ARL15: variants seen among roughly 807,000 people sequenced by gnomAD.
ARL15 encodes ADP-ribosylation factor-like protein 15.
Under a neutral mutation model 25.2 loss-of-function variants are expected in ARL15, and 19 were observed. The observed-to-expected ratio is 0.75, with a 90% CI of 0.53 to 1.10. The LOEUF (loss-of-function observed/expected upper bound fraction) is 1.10, where lower values mean the gene tolerates loss of function less well. ARL15 is among the 50% of genes least tolerant of loss of function. The pLI is 0.00. For synonymous variants in ARL15, 94 were observed against 86.8 expected, an observed-to-expected ratio of 1.08 and a Z score of -0.46; for missense variants, 220 against 246.0, an observed-to-expected ratio of 0.89 and a Z score of 0.71.
chr5:53,965,579 G>A (rs1256519607), intron 4 of ARL15, among the ~76,000 whole-genome samples: 1 of 152,020 alleles, frequency 6.6e-6, no homozygotes, highest in Non-Finnish European at 1.5e-5. Context: ...TGAATTAAAT[G>A]GGCCATGGAC....
chr5:54,082,707 A>G (rs530186523), intron 4 of ARL15, among the ~76,000 whole-genome samples: 15 of 152,144 alleles, frequency 9.9e-5, no homozygotes, highest in African/African-American at 2.9e-4. Flanking sequence ...TTGCTCTTGC[A>G]CCTTTAATGC....
chr5:53,977,813 T>G lies in ARL15; in HGVS notation c.463-91100A>C, dbSNP rs1580135331. The stretch of plus-strand genomic sequence containing the variant: ...GCTCTCTATGCAGTGCTTCCACTGG[T>G]ACCCTGTATGACCTTGGGCAAGTCC... On this transcript the variant is annotated intron_variant, in intron 4 of 4. Coordinates refer to ENST00000504924, the MANE Select transcript of ARL15 (RefSeq NM_019087.3). Among the ~76,000 whole-genome samples, 3 of 152,140 alleles carry G rather than the reference T, an allele frequency of 2.0e-5. No individual in the cohort carries two copies. In the East Asian group the frequency reaches 5.8e-4, roughly 29 times the overall value.
intron 1 of ARL15, among the ~76,000 whole-genome samples, chr5:54,180,117 A>C (rs1755012879): frequency 6.6e-6 from 1 of 152,114 alleles, no homozygotes; most frequent in African/African-American, 2.4e-5. Context: ...AACAGCCTCA[A>C]ATTATATGTA....
At chr5:54,218,254 C>T (rs192518555) in intron 1 of ARL15, among the ~76,000 whole-genome samples, 5 of 152,248 alleles carry the variant, frequency 3.3e-5, no homozygotes, top group Non-Finnish European at 5.9e-5. Context: ...TCAAAAAGAG[C>T]ATGGTTTTTT....
intron 4 of ARL15, among the ~76,000 whole-genome samples, chr5:53,931,255 C>T (rs574933982): frequency 1.3e-5 from 2 of 152,242 alleles, no homozygotes; most frequent in East Asian, 3.9e-4. Flanking sequence ...GCCCAACAGG[C>T]CACACACTCC....
intron 1 of ARL15, among the ~76,000 whole-genome samples, chr5:54,265,836 T>G (rs1202018051): frequency 2.0e-5 from 3 of 152,232 alleles, no homozygotes; most frequent in Non-Finnish European, 2.9e-5. Flanking sequence ...TGTATGAGTT[T>G]TAGAATGATG....
chr5:53,898,010 T>C (rs141465743), intron 4 of ARL15, among the ~76,000 whole-genome samples: 1 of 152,306 alleles, frequency 6.6e-6, no homozygotes, highest in East Asian at 1.9e-4. Context: ...AAATAAAATG[T>C]CATTAATAAG....
Position 54,060,425 on chromosome 5 carries a change from A to T in ARL15, c.462+52777T>A, listed in dbSNP as rs551517839. Among the ~76,000 whole-genome samples the T allele has an allele frequency of 2.6e-5, 4 of 152,300 alleles. No individual in the cohort carries two copies. The East Asian group carries it at 7.7e-4, about 29-fold the overall frequency. ...GCAGCAGCCTGGGCTACAGAGCGAG[A>T]CACTGTATCAAAACAAACAAACAAA... On this transcript the variant is annotated intron_variant, in intron 4 of 4. Transcript: ENST00000504924.
chr5:54,003,662 TTCTATCTATCTATCTATCTATCTATCTA>T (rs34463762), intron 4 of ARL15, among the ~76,000 whole-genome samples: 6 of 138,324 alleles, frequency 4.3e-5, no homozygotes, highest in Non-Finnish European at 6.3e-5. Context: ...AATATTTTCT[TTCTATCTATCTATCTATCTATCTATCTA>T]TCTATCTATC....
At chr5:53,918,649 A>G (rs1745737111) in intron 4 of ARL15, among the ~76,000 whole-genome samples, 1 of 152,212 alleles carries the variant, frequency 6.6e-6, no homozygotes, top group South Asian at 2.1e-4. Flanking sequence ...TCCAAGGTTG[A>G]CAGTCTTAAA....
intron 1 of ARL15, among the ~76,000 whole-genome samples, chr5:54,197,926 A>C (rs1755600012): frequency 6.6e-6 from 1 of 152,146 alleles, no homozygotes; most frequent in Admixed American, 6.6e-5. Context: ...ATCCAGCAGC[A>C]TATCAAAAAG....
At chr5:54,287,023 G>A (rs556338559) in intron 1 of ARL15, among the ~76,000 whole-genome samples, 7 of 151,580 alleles carry the variant, frequency 4.6e-5, no homozygotes, top group South Asian at 2.1e-4. Context: ...GACTACAGGC[G>A]CACGCCACCA....
intron 1 of ARL15, among the ~76,000 whole-genome samples, chr5:54,238,252 C>T (rs1395155773): frequency 6.6e-6 from 1 of 152,168 alleles, no homozygotes; most frequent in Non-Finnish European, 1.5e-5. Flanking sequence ...AGCCCAGATT[C>T]AGGGGTTGAC....
At position 54,287,027 on chromosome 5, in the gene ARL15, G is replaced by A. The variant is rs183897192; in HGVS notation, c.48+23405C>T. 9.7e-3 allele frequency among the ~76,000 whole-genome samples: 1,477 copies of A among 152,030 alleles called. 8 individuals are homozygous for A. The highest frequency in any genetic ancestry group is 0.02 in the Middle Eastern group (6 of 294). ...CAAATAGCTAGGACTACAGGCGCACGCCACCATACCCAGCTAATTTTGTTT... is the reference window on the plus strand; with the variant it reads ...CAAATAGCTAGGACTACAGGCGCACACCACCATACCCAGCTAATTTTGTTT... On this transcript the variant is annotated intron_variant, in intron 1 of 4. Transcript: ENST00000504924.
chr5:54,310,517 G>T lies in ARL15; in HGVS notation c.-38C>A. On this transcript the variant is annotated 5_prime_UTR_variant, in exon 1 of 5. Transcript: ENST00000504924. ...AGCATCCGGAACGGCTCCGAACCCG[G>T]AAAAAAAAAGCAGCGTCTCTGGCTG... The T allele has an allele frequency of 2.7e-5, 41 of 1,506,504 alleles. No homozygotes were observed. Among genetic ancestry groups the T allele is most frequent in the Non-Finnish European group, 3.4e-5 (38 of 1,116,650 alleles). 93.3% of individuals were successfully genotyped at this position (1,506,504 alleles called of 1,614,324 possible).
chr5:54,019,432 T>C (rs921158267), intron 4 of ARL15, among the ~76,000 whole-genome samples: 1 of 152,212 alleles, frequency 6.6e-6, no homozygotes, highest in African/African-American at 2.4e-5. Flanking sequence ...TCTTCATATC[T>C]ACTTAAAGTA....
intron 3 of ARL15, among the ~76,000 whole-genome samples, chr5:54,114,362 C>T (rs1752830130): frequency 7.8e-6 from 1 of 128,272 alleles, no homozygotes; most frequent in Admixed American, 9.9e-5. Flanking sequence ...CAAGATCGCG[C>T]CACTGCACTC....
intron 4 of ARL15, among the ~76,000 whole-genome samples, chr5:53,895,583 C>A (rs920865939): frequency 6.6e-6 from 1 of 152,124 alleles, no homozygotes; most frequent in Non-Finnish European, 1.5e-5. Context: ...GTTATTGTTA[C>A]TTTGCAGTTT....
intron 4 of ARL15, among the ~76,000 whole-genome samples, chr5:54,102,569 T>C (rs1190953429): frequency 6.6e-6 from 1 of 152,142 alleles, no homozygotes; most frequent in African/African-American, 2.4e-5. Flanking sequence ...TAATGATTAT[T>C]CAGTCTTCTC....
Sources: allele counts gnomAD v4.1 joint callset (sites outside exome capture counted in the v4.1 genomes callset), GRCh38; gene constraint gnomAD v4.1.1; transcripts MANE v1.5; gene names NCBI Gene and HGNC (gene_info 2026-07-23, HGNC 2026-07-21).